Variants in CHKA observed in about 807,000 individuals in gnomAD.
The protein encoded by CHKA is CHETK-alpha.
Under a neutral mutation model 60.1 loss-of-function variants are expected in CHKA, and 34 were observed. That is an observed-to-expected ratio of 0.57 (90% confidence interval 0.43 to 0.75). The LOEUF (loss-of-function observed/expected upper bound fraction) is 0.75. Among genes scored for constraint, CHKA ranks in the 30% least tolerant of loss-of-function variants. The probability of loss-of-function intolerance (pLI) is 0.00; values close to 1 mark genes in which losing one functional copy is unlikely to be tolerated. For synonymous variants in CHKA, 217 were observed against 223.1 expected (o/e 0.97, Z 0.24); for missense variants, 563 against 561.3 (o/e 1.00, Z -0.03).
At chr11:68,110,359 G>T (rs982813708) in intron 1 of CHKA, among the ~76,000 whole-genome samples, 7 of 151,980 alleles carry the variant, frequency 4.6e-5, no homozygotes, top group Non-Finnish European at 1.0e-4. Flanking sequence ...AAATCAGAAA[G>T]AAGTGAAAAA....
chr11:68,117,656 G>A (rs561116081), intron 1 of CHKA, among the ~76,000 whole-genome samples: 12 of 152,096 alleles, frequency 7.9e-5, no homozygotes, highest in Non-Finnish European at 1.6e-4. Flanking sequence ...CAGCCTGGGT[G>A]ACAGAGCAAG....
intron 1 of CHKA, among the ~76,000 whole-genome samples, chr11:68,106,349 GAGACCAGCCTAGGCAACATAACA>G (rs1857915555): frequency 6.6e-6 from 1 of 152,098 alleles, no homozygotes; most frequent in South Asian, 2.1e-4. Flanking sequence ...CCAAGAGCTG[GAGACCAGCCTAGGCAACATAACA>G]AGACTCGATC....
intron 7 of CHKA, among the ~76,000 whole-genome samples, chr11:68,068,508 C>T (rs1405903102): frequency 6.6e-6 from 1 of 151,878 alleles, no homozygotes; most frequent in Non-Finnish European, 1.5e-5. Context: ...GCCTTGAACT[C>T]CTAGGCTCAA....
intron 6 of CHKA, among the ~76,000 whole-genome samples, chr11:68,069,449 G>A (rs1245817524): frequency 6.6e-6 from 1 of 152,122 alleles, no homozygotes; most frequent in Non-Finnish European, 1.5e-5. Flanking sequence ...CACTTTGGGA[G>A]GCCGAGGTGG....
chr11:68,118,662 T>C (rs994356556), intron 1 of CHKA, among the ~76,000 whole-genome samples: 15 of 152,204 alleles, frequency 9.9e-5, no homozygotes, highest in Non-Finnish European at 1.6e-4. Flanking sequence ...ATTAAACTTA[T>C]TCCATAACTA....
In CHKA at chr11:68,068,918, G is replaced by A. The variant is rs766793226; in HGVS notation, c.889C>T (p.Pro297Ser). The A allele has an allele frequency of 6.6e-5, 107 of 1,612,200 alleles. No individual in the cohort carries two copies. The highest frequency in any genetic ancestry group is 8.9e-5 in the Non-Finnish European group (105 of 1,179,006). ...TTATGACAAAATACAACTGGAGATG[G>A]AGTAGATTCAAGCAATGATCTGAAA... ...ENLRSLLEST[P>S]SPVVFCHNDC... The change falls in exon 7 of 12, where the codon CCA becomes TCA. Residue 297 changes from proline (P) to serine (S), a missense_variant. Transcript: ENST00000265689.
chr11:68,093,357 G>C (rs1311551734), intron 2 of CHKA, among the ~76,000 whole-genome samples: 1 of 152,032 alleles, frequency 6.6e-6, no homozygotes, highest in African/African-American at 2.4e-5. Flanking sequence ...TACATCAGTA[G>C]ATATAGCTTC....
intron 2 of CHKA, among the ~76,000 whole-genome samples, chr11:68,089,427 GGTTT>G (rs1178532766): frequency 6.6e-6 from 1 of 152,064 alleles, no homozygotes; most frequent in Non-Finnish European, 1.5e-5. Context: ...CAAAGAAGAA[GGTTT>G]GTTTCTAATT....
At chr11:68,087,380 G>A (rs888098978) in intron 2 of CHKA, among the ~76,000 whole-genome samples, 2 of 152,030 alleles carry the variant, frequency 1.3e-5, no homozygotes, top group African/African-American at 2.4e-5. Flanking sequence ...TACTTGGAAG[G>A]CTGAGGCGGG....
At chr11:68,116,671 C>T (rs118131364) in intron 1 of CHKA, among the ~76,000 whole-genome samples, 83 of 151,544 alleles carry the variant, frequency 5.5e-4, no homozygotes, top group African/African-American at 1.9e-3. Flanking sequence ...GAGCCGAGAT[C>T]GCGCCATTGT....
Position 68,117,714 on chromosome 11 carries a change from C to T in CHKA, c.350+3114G>A, listed in dbSNP as rs143824241. 6.6e-5 allele frequency among the ~76,000 whole-genome samples: 10 copies of T among 152,092 alleles called. No homozygotes were observed. The East Asian group carries it at 1.7e-3, about 26-fold the overall frequency. Reference sequence around the variant, plus strand: ...TAAAAATAAAAAATAAAAAGGTAGGCCAAGGCTCAAGTTTAGACCATGCAA... The same window carrying T: ...TAAAAATAAAAAATAAAAAGGTAGGTCAAGGCTCAAGTTTAGACCATGCAA... On this transcript the variant is annotated intron_variant, in intron 1 of 11. Coordinates refer to ENST00000265689, the MANE Select transcript of CHKA (RefSeq NM_001277.3).
chr11:68,077,479 G>A (rs565052889), intron 3 of CHKA, among the ~76,000 whole-genome samples: 164 of 152,292 alleles, frequency 1.1e-3, no homozygotes, highest in African/African-American at 3.8e-3. Flanking sequence ...TGACAGTGGA[G>A]GGAAAATTGG....
intron 1 of CHKA, among the ~76,000 whole-genome samples, chr11:68,107,917 A>G (rs1299785018): frequency 1.3e-5 from 2 of 152,198 alleles, no homozygotes; most frequent in East Asian, 1.9e-4. Context: ...GTGTAAATAC[A>G]TTACGAAAGA....
At chr11:68,061,095 GTTTTTT>G (rs757176198) in intron 11 of CHKA, among the ~76,000 whole-genome samples, 9 of 70,834 alleles carry the variant, frequency 1.3e-4, no homozygotes, top group African/African-American at 2.7e-4. Flanking sequence ...GTCAGTGACA[GTTTTTT>G]TTTTTTTTTT....
chr11:68,054,135 G>A (rs1855908136), intron 11 of CHKA, 88 bp from the exon 12 acceptor site: 2 of 1,149,754 alleles, frequency 1.7e-6, no homozygotes, highest in African/African-American at 1.5e-5. Flanking sequence ...CCCCAGGCAA[G>A]AGCTGAGGGC....
intron 9 of CHKA, among the ~76,000 whole-genome samples, chr11:68,064,852 GGCTCTTCA>G (rs1856387484): frequency 6.6e-6 from 1 of 152,158 alleles, no homozygotes; most frequent in South Asian, 2.1e-4. Flanking sequence ...ACAGTGTCTA[GGCTCTTCA>G]GCATACTTTT....
At chr11:68,093,936 C>T (rs1171990676) in intron 2 of CHKA, among the ~76,000 whole-genome samples, 6 of 152,182 alleles carry the variant, frequency 3.9e-5, no homozygotes. Context: ...TGGCTGATGA[C>T]GAGTGTATCA....
At chr11:68,079,392 C>A (rs896155865) in intron 3 of CHKA, among the ~76,000 whole-genome samples, 2 of 150,416 alleles carry the variant, frequency 1.3e-5, no homozygotes, top group Non-Finnish European at 3.0e-5. Context: ...TGCACTGGCA[C>A]GATCTCGGCT....
At position 68,081,429 on chromosome 11, in the gene CHKA, T is replaced by C. The variant is rs1315332521; in HGVS notation, c.491A>G (p.Gln164Arg). The C allele has an allele frequency of 6.2e-7, 1 of 1,613,788 alleles. No individual in the cohort carries two copies. ...MRSCNKEGSE[Q>R]AQKENEFQGA... is the part of the protein sequence containing the mutation. ...TTGAAATTCATTTTCTTTCTGAGCTTGTTCGGATCCCTCTTTATTACAGGA... is the reference window on the plus strand; with the variant it reads ...TTGAAATTCATTTTCTTTCTGAGCTCGTTCGGATCCCTCTTTATTACAGGA... The change falls in exon 3 of 12, where the codon CAA becomes CGA. Residue 164 changes from glutamine to arginine, a missense_variant. Physicochemically the swap from Gln to Arg is conservative, Grantham distance 43 (BLOSUM62 1). Transcript: ENST00000265689.
Sources: allele counts gnomAD v4.1 joint callset (sites outside exome capture counted in the v4.1 genomes callset), GRCh38; gene constraint gnomAD v4.1.1; transcripts MANE v1.5; gene names NCBI Gene and HGNC (gene_info 2026-07-23, HGNC 2026-07-21).